Variants in ARID5B observed in about 807,000 individuals in gnomAD.
ARID5B encodes AT-rich interactive domain-containing protein 5B.
A neutral mutation model predicts 97.2 loss-of-function variants in ARID5B; 13 were observed. That is an observed-to-expected ratio of 0.13 (90% confidence interval 0.09 to 0.21). The LOEUF (loss-of-function observed/expected upper bound fraction) is 0.21. Ranked by LOEUF, ARID5B falls within the 10% of genes least tolerant of loss-of-function variation. The probability of loss-of-function intolerance (pLI) is 1.00; values close to 1 mark genes in which losing one functional copy is unlikely to be tolerated. For missense variants in ARID5B, 1,210 were observed against 1,465.3 expected, an observed-to-expected ratio of 0.83 and a Z score of 2.84; for synonymous variants, 556 against 570.3, an observed-to-expected ratio of 0.97 and a Z score of 0.36.
chr10:62,088,101 A>C (rs1840316892), intron 9 of ARID5B, among the ~76,000 whole-genome samples: 1 of 152,128 alleles, frequency 6.6e-6, no homozygotes, highest in African/African-American at 2.4e-5. Context: ...TCCTGACCTC[A>C]AATGATCCTC....
intron 2 of ARID5B, 66 bp downstream of exon 2, chr10:61,902,479 G>A: frequency 6.4e-7 from 1 of 1,572,812 alleles, no homozygotes; most frequent in Non-Finnish European, 8.6e-7. Context: ...GCTTATTACA[G>A]GGCAAGCTTG....
chr10:62,054,284 T>C (rs1839827487), intron 5 of ARID5B, among the ~76,000 whole-genome samples: 1 of 152,102 alleles, frequency 6.6e-6, no homozygotes, highest in South Asian at 2.1e-4. Flanking sequence ...ATTTAATAGA[T>C]TGAAATGCTG....
At chr10:62,006,114 G>T (rs1402726982) in intron 4 of ARID5B, among the ~76,000 whole-genome samples, 13 of 152,126 alleles carry the variant, frequency 8.5e-5, no homozygotes, top group Admixed American at 8.5e-4. Context: ...CTTTGTTTTG[G>T]AAATTTTCTA....
chr10:61,905,614 G>T (rs1202744106), intron 2 of ARID5B, among the ~76,000 whole-genome samples: 1 of 152,082 alleles, frequency 6.6e-6, no homozygotes, highest in Admixed American at 6.5e-5. Context: ...GAAATTCAAG[G>T]TTATCTTTTC....
Position 62,085,755 on chromosome 10 carries a change from C to A in ARID5B, c.1253C>A (p.Pro418His), listed in dbSNP as rs1262889155. Residue 418 changes from proline to histidine, a missense_variant, in exon 9 of 10, where the codon CCT (proline) becomes CAT (histidine). By Grantham distance (77) the Pro-to-His change is moderately conservative (BLOSUM62 -2). Transcript: ENST00000279873. ...AAAGGAGAAGAAGATAAGCCCCTGC[C>A]TCCAATCAAACCTCGGAAACAGGAG... Reference protein sequence around the residue: ...FIKGEEDKPLPPIKPRKQENS... With the variant: ...FIKGEEDKPLHPIKPRKQENS... 1 of 1,613,896 alleles carries A rather than the reference C, an allele frequency of 6.2e-7. No individual in the cohort carries two copies. The highest frequency in any genetic ancestry group is 2.2e-5 in the East Asian group (1 of 44,888).
At chr10:61,984,972 C>T (rs1027245566) in intron 3 of ARID5B, among the ~76,000 whole-genome samples, 1 of 152,000 alleles carries the variant, frequency 6.6e-6, no homozygotes, top group Non-Finnish European at 1.5e-5. Context: ...TCAGTTTGCC[C>T]ATCTGAAAAA....
At chr10:61,907,032 C>G (rs1564597363) in intron 2 of ARID5B, among the ~76,000 whole-genome samples, 1 of 152,236 alleles carries the variant, frequency 6.6e-6, no homozygotes, top group Non-Finnish European at 1.5e-5. Context: ...TTTGAAACCA[C>G]TACCATGGAG....
rs191475484 is a variant in ARID5B, at chr10:62,022,990, G to A, written c.733+22669G>A. ...TTTGATAAGGTCTTTAGTCAATGCT[G>A]GAAACAAGTCAAAGAAACATATCTC... On this transcript the variant is annotated intron_variant, in intron 4 of 9. Coordinates refer to ENST00000279873, the MANE Select transcript of ARID5B (RefSeq NM_032199.3). Among the ~76,000 whole-genome samples the A allele has an allele frequency of 3.5e-4, 53 of 152,280 alleles. 1 individual carries two copies. The highest frequency in any genetic ancestry group is 1.3e-3 in the African/African-American group (52 of 41,562).
In ARID5B at chr10:62,012,522, G is replaced by A. The variant is rs114611205; in HGVS notation, c.733+12201G>A. On this transcript the variant is annotated intron_variant, in intron 4 of 9. Coordinates refer to ENST00000279873, the MANE Select transcript of ARID5B (RefSeq NM_032199.3). ...CTCCCAAGCAACTGGGCGGCAGAGCGAGACCCTGTCTCTATTAAAAAACAA... is the reference window on the plus strand; with the variant it reads ...CTCCCAAGCAACTGGGCGGCAGAGCAAGACCCTGTCTCTATTAAAAAACAA... 6.2e-3 allele frequency among the ~76,000 whole-genome samples: 940 copies of A among 152,222 alleles called. 13 individuals are homozygous for A. Among genetic ancestry groups the A allele is most frequent in the African/African-American group, 0.022 (903 of 41,530 alleles).
intron 3 of ARID5B, among the ~76,000 whole-genome samples, chr10:61,981,135 C>T (rs186876394): frequency 7.3e-4 from 111 of 152,322 alleles, no homozygotes; most frequent in Admixed American, 1.4e-3. Flanking sequence ...AAGCAGTAAA[C>T]TTATCCCTCA....
chr10:62,011,829 C>G (rs76076945), intron 4 of ARID5B, among the ~76,000 whole-genome samples: 1 of 152,108 alleles, frequency 6.6e-6, no homozygotes, highest in Non-Finnish European at 1.5e-5. Flanking sequence ...CAGTGAGACT[C>G]GGGCACCAGC....
At chr10:62,029,803 CAATT>C (rs1185367613) in intron 4 of ARID5B, among the ~76,000 whole-genome samples, 4 of 152,182 alleles carry the variant, frequency 2.6e-5, no homozygotes, top group Non-Finnish European at 4.4e-5. Flanking sequence ...TTAATGGACT[CAATT>C]AATCATGACA....
rs140058274 is a variant in ARID5B, at chr10:62,063,462, G to A, written c.1101+4167G>A. Among the ~76,000 whole-genome samples the A allele has an allele frequency of 1.7e-3, 262 of 151,308 alleles. 1 individual carries two copies. The highest frequency in any genetic ancestry group is 5.9e-3 in the African/African-American group (244 of 41,216). ...TTCCAAACCTTCTGGTTTGAATTGC[G>A]GATTATGGATTATTTCATTTCAGTC... On this transcript the variant is annotated intron_variant, in intron 7 of 9. Coordinates refer to ENST00000279873, the MANE Select transcript of ARID5B (RefSeq NM_032199.3).
At chr10:62,050,699 C>A (rs3740355) in intron 4 of ARID5B, among the ~76,000 whole-genome samples, 189 bp from the exon 5 acceptor site, 53,111 of 151,974 alleles carry the variant, frequency 0.35, 9,606 homozygotes, top group East Asian at 0.51. Flanking sequence ...GAAACGTGTA[C>A]AGAAATGTAT....
intron 3 of ARID5B, among the ~76,000 whole-genome samples, chr10:61,997,077 C>T (rs1383003560): frequency 2.0e-5 from 3 of 151,946 alleles, no homozygotes; most frequent in African/African-American, 7.3e-5. Context: ...TTCTCGATGG[C>T]ACAGTATCTG....
chr10:62,028,070 A>G (rs184943065), intron 4 of ARID5B, among the ~76,000 whole-genome samples: 43 of 152,336 alleles, frequency 2.8e-4, no homozygotes, highest in African/African-American at 9.9e-4. Flanking sequence ...TAAGTCACAG[A>G]AAACACACTT....
intron 4 of ARID5B, among the ~76,000 whole-genome samples, chr10:62,028,668 C>G (rs1352959733): frequency 1.3e-5 from 2 of 152,150 alleles, no homozygotes; most frequent in Non-Finnish European, 2.9e-5. Flanking sequence ...GCACATAAAG[C>G]TCTTAGAAGG....
intron 8 of ARID5B, among the ~76,000 whole-genome samples, chr10:62,076,909 G>T (rs1185990176): frequency 6.6e-6 from 1 of 152,088 alleles, no homozygotes; most frequent in African/African-American, 2.4e-5. Context: ...GTCCTGACCT[G>T]TGGCCCCTAT....
At chr10:62,075,590 T>G (rs539508837) in intron 8 of ARID5B, among the ~76,000 whole-genome samples, 2 of 152,358 alleles carry the variant, frequency 1.3e-5, no homozygotes, top group East Asian at 3.9e-4. Context: ...CTGCTCCCTT[T>G]GCTCTGATCA....
Sources: allele counts gnomAD v4.1 joint callset (sites outside exome capture counted in the v4.1 genomes callset), GRCh38; gene constraint gnomAD v4.1.1; transcripts MANE v1.5; gene names NCBI Gene and HGNC (gene_info 2026-07-23, HGNC 2026-07-21).